The following TBX15 variants were observed in gnomAD, a reference collection of about 807,000 sequenced individuals.
TBX15 encodes the protein T-box transcription factor TBX15.
A neutral mutation model predicts 53.9 loss-of-function variants in TBX15; 18 were observed. The observed-to-expected ratio is 0.33, with a 90% CI of 0.23 to 0.49. The LOEUF (loss-of-function observed/expected upper bound fraction) is 0.49, where lower values mean the gene tolerates loss of function less well. TBX15 is among the 20% of genes least tolerant of loss of function. The pLI, the probability that TBX15 is intolerant of heterozygous loss-of-function variation, is 0.98. For synonymous variants in TBX15, 295 were observed against 278.0 expected (o/e 1.06, Z -0.61); for missense variants, 692 against 749.5 (o/e 0.92, Z 0.90).
At chr1:118,893,460 GGAAA>G (rs1200625137) in intron 7 of TBX15, among the ~76,000 whole-genome samples, 5 of 104,016 alleles carry the variant, frequency 4.8e-5, no homozygotes, top group East Asian at 3.3e-4. Flanking sequence ...AAGGAAGGAA[GGAAA>G]GAAAGGAAGG....
At chr1:118,904,821 T>A (rs1779427) in intron 6 of TBX15, among the ~76,000 whole-genome samples, 74,140 of 152,060 alleles carry the variant, frequency 0.49, 18,539 homozygotes, top group Non-Finnish European at 0.52. Context: ...CAAAATAGCA[T>A]AATGGTTAAG....
At chr1:118,917,311 C>T (rs1465385547) in intron 5 of TBX15, among the ~76,000 whole-genome samples, 8 of 152,166 alleles carry the variant, frequency 5.3e-5, no homozygotes, top group African/African-American at 1.2e-4. Flanking sequence ...AGCAAACGAA[C>T]GCAGGAACAG....
Position 118,884,899 on chromosome 1 carries a change from AAGG to A in TBX15, c.1639_1641del (p.Pro547del), listed in dbSNP as rs1430520695. On this transcript the variant is annotated inframe_deletion, in exon 8 of 8. Transcript: ENST00000369429. ...TGCCTCTCTCCAAAGGCCCCGTTGG[AAGG>A]AGAAGAACAGAGTAAAGTGCTTTGA... The A allele has an allele frequency of 4.3e-6, 7 of 1,614,080 alleles. No homozygotes were observed. Among genetic ancestry groups the A allele is most frequent in the South Asian group, 1.1e-5 (1 of 91,090 alleles).
chr1:118,978,041 A>C (rs1219775890), intron 1 of TBX15, among the ~76,000 whole-genome samples: 1 of 152,232 alleles, frequency 6.6e-6, no homozygotes, highest in Non-Finnish European at 1.5e-5. Context: ...AAAATGTTCA[A>C]AGCATAAATA....
At chr1:118,986,398 T>C (rs1657836909) in intron 1 of TBX15, among the ~76,000 whole-genome samples, 1 of 152,128 alleles carries the variant, frequency 6.6e-6, no homozygotes, top group Admixed American at 6.5e-5. Context: ...TAAACTCAAA[T>C]ACCGTAACGG....
At chr1:118,928,827 A>G (rs1655687602) in intron 2 of TBX15, among the ~76,000 whole-genome samples, 1 of 152,228 alleles carries the variant, frequency 6.6e-6, no homozygotes, top group Non-Finnish European at 1.5e-5. Context: ...CTGACTTCTA[A>G]AATAAATGAA....
intron 1 of TBX15, among the ~76,000 whole-genome samples, chr1:118,978,053 C>G: frequency 6.6e-6 from 1 of 152,184 alleles, no homozygotes; most frequent in East Asian, 1.9e-4. Context: ...GCATAAATAA[C>G]TTACATTTCC....
intron 6 of TBX15, among the ~76,000 whole-genome samples, chr1:118,913,234 A>T (rs1428506291): frequency 4.6e-5 from 3 of 65,310 alleles, no homozygotes; most frequent in East Asian, 2.3e-4. Context: ...TCAAACTATA[A>T]AAAAAAAAAA....
chr1:118,939,407 C>CAAAAAAAAAAAAAAA (rs869094141), intron 1 of TBX15, among the ~76,000 whole-genome samples: 6 of 8,874 alleles, frequency 6.8e-4, no homozygotes, highest in Admixed American at 1.9e-3. Context: ...GATCTAGTCT[C>CAAAAAAAAAAAAAAA]AAAAAAAAAA....
intron 1 of TBX15, among the ~76,000 whole-genome samples, chr1:118,948,516 A>C (rs970728001): frequency 6.6e-6 from 1 of 152,180 alleles, no homozygotes; most frequent in African/African-American, 2.4e-5. Context: ...GGTTTTACAT[A>C]AAGTTGCTCA....
chr1:118,942,148 T>C (rs1203256827), intron 1 of TBX15, among the ~76,000 whole-genome samples: 3 of 152,178 alleles, frequency 2.0e-5, no homozygotes, highest in Non-Finnish European at 4.4e-5. Context: ...CTAATGAAGA[T>C]ATGTCTGTGA....
chr1:118,957,976 G>A (rs774462857), intron 1 of TBX15, among the ~76,000 whole-genome samples: 9 of 152,012 alleles, frequency 5.9e-5, no homozygotes, highest in Non-Finnish European at 8.8e-5. Flanking sequence ...TGTTTATTGC[G>A]GCACTATTCT....
At chr1:118,932,168 C>T (rs922563641) in intron 1 of TBX15, among the ~76,000 whole-genome samples, 41 of 152,102 alleles carry the variant, frequency 2.7e-4, no homozygotes, top group African/African-American at 9.4e-4. Context: ...CAAACTGGGG[C>T]AACAAAATAA....
At chr1:118,980,407 G>T (rs1306002202) in intron 1 of TBX15, among the ~76,000 whole-genome samples, 2 of 152,090 alleles carry the variant, frequency 1.3e-5, no homozygotes, top group East Asian at 3.9e-4. Flanking sequence ...AACTCTACTC[G>T]TCATCTGTAG....
intron 7 of TBX15, among the ~76,000 whole-genome samples, chr1:118,888,241 C>T (rs549982264): frequency 6.6e-6 from 1 of 152,322 alleles, no homozygotes; most frequent in South Asian, 2.1e-4. Context: ...TGCAGGCCAC[C>T]TCTTCATTCT....
chr1:118,987,022 G>A (rs1237110231), intron 1 of TBX15, among the ~76,000 whole-genome samples: 2 of 152,194 alleles, frequency 1.3e-5, no homozygotes, highest in African/African-American at 4.8e-5. Flanking sequence ...GCCCTGAAGA[G>A]TGACCCAAGG....
rs952611042 is a variant in TBX15, at chr1:118,884,964, G to C, written c.1577C>G (p.Pro526Arg). ...NLYGYNFPTS[P>R]RLAASPEKLS... ...TTTTTCCGGGCTTGCAGCTAGCCTA[G>C]GGGAAGTGGGGAAATTGTATCCATA... The change falls in exon 8 of 8, where the codon CCT becomes CGT. Residue 526 changes from proline to arginine, a missense_variant. Physicochemically the swap from Pro to Arg is moderately radical, Grantham distance 103. Around this residue, in one of 3 missense-constraint regions of TBX15, gnomAD observed 375 missense variants for 371.6 expected, o/e 1.01. Transcript: ENST00000369429. 8 of 1,614,160 alleles carry C rather than the reference G, an allele frequency of 5.0e-6. No homozygotes were observed. The highest frequency in any genetic ancestry group is 6.8e-6 in the Non-Finnish European group (8 of 1,180,034).
rs539070126 is a variant in TBX15, at chr1:118,931,196, G to A, written c.419+423C>T. 2.6e-5 allele frequency among the ~76,000 whole-genome samples: 4 copies of A among 152,276 alleles called. No individual in the cohort carries two copies. The South Asian group carries it at 8.3e-4, about 32-fold the overall frequency. On this transcript the variant is annotated intron_variant, in intron 2 of 7. Coordinates refer to ENST00000369429, the MANE Select transcript of TBX15 (RefSeq NM_001330677.2). ...TCAACAGGCTCAGAATATGCATCAA[G>A]TCAATTCTTTTTTAAAAATTACTAC... is the stretch of plus-strand genomic sequence containing the variant.
intron 7 of TBX15, among the ~76,000 whole-genome samples, chr1:118,893,202 G>A (rs58346353): frequency 0.27 from 40,099 of 148,854 alleles, 6,797 homozygotes; most frequent in East Asian, 0.7. Flanking sequence ...TGGTACCACT[G>A]CACTCCAGCC....
Sources: gnomAD v4.1 joint callset for allele counts (sites outside exome capture counted in the v4.1 genomes callset) on GRCh38, gnomAD v4.1.1 for gene constraint, gnomAD v4.1.1 regional missense constraint, MANE v1.5 for transcripts, NCBI Gene and HGNC (gene_info 2026-07-23, HGNC 2026-07-21) for gene names.